The following GALNTL6 variants were observed in gnomAD, a reference collection of about 807,000 sequenced individuals.
GALNTL6 encodes polypeptide N-acetylgalactosaminyltransferase-like 6.
In GALNTL6, 46 loss-of-function variants were observed where a neutral mutation model predicts 73.7. The observed-to-expected ratio is 0.62, with a 90% CI of 0.49 to 0.80. The LOEUF (loss-of-function observed/expected upper bound fraction) is 0.80. GALNTL6 is among the 30% of genes least tolerant of loss of function. The probability of loss-of-function intolerance (pLI) is 0.00; values close to 1 mark genes in which losing one functional copy is unlikely to be tolerated. For missense variants in GALNTL6, 604 were observed against 755.0 expected (o/e 0.80, Z 2.34); for synonymous variants, 259 against 263.7 (o/e 0.98, Z 0.17).
intron 3 of GALNTL6, among the ~76,000 whole-genome samples, chr4:172,291,863 A>C (rs1478271620): frequency 1.3e-5 from 2 of 152,128 alleles, no homozygotes; most frequent in Non-Finnish European, 2.9e-5. Context: ...ATTTTAGGAG[A>C]GGAAGTTGAA....
At chr4:171,837,628 ATATT>A (rs1735129125) in intron 2 of GALNTL6, among the ~76,000 whole-genome samples, 1 of 147,152 alleles carries the variant, frequency 6.8e-6, no homozygotes, top group Non-Finnish European at 1.5e-5. Context: ...TATAATGTAT[ATATT>A]TATATAATAT....
At chr4:172,695,723 G>A (rs561654888) in intron 5 of GALNTL6, among the ~76,000 whole-genome samples, 13 of 152,088 alleles carry the variant, frequency 8.5e-5, no homozygotes, top group South Asian at 6.2e-4. Context: ...CGAGGCGGGC[G>A]GATCATGAGG....
intron 2 of GALNTL6, among the ~76,000 whole-genome samples, chr4:171,937,733 T>C (rs967037034): frequency 2.6e-5 from 4 of 152,136 alleles, no homozygotes; most frequent in Non-Finnish European, 5.9e-5. Context: ...AAGTAAAGAA[T>C]GGTTACATAG....
chr4:172,430,185 A>G (rs972924489), intron 5 of GALNTL6, among the ~76,000 whole-genome samples: 6 of 152,040 alleles, frequency 3.9e-5, no homozygotes, highest in African/African-American at 1.4e-4. Flanking sequence ...TTAGAACTTG[A>G]CAGTGAGAAA....
At chr4:172,626,172 A>G (rs1366899659) in intron 5 of GALNTL6, among the ~76,000 whole-genome samples, 1 of 152,034 alleles carries the variant, frequency 6.6e-6, no homozygotes, top group East Asian at 1.9e-4. Context: ...AAAATCTTTA[A>G]TCGATCTTGA....
chr4:172,081,432 G>A (rs889925643), intron 2 of GALNTL6, among the ~76,000 whole-genome samples: 1 of 152,218 alleles, frequency 6.6e-6, no homozygotes, highest in Admixed American at 6.5e-5. Context: ...GAGGTCAAGA[G>A]ATCGAGATCA....
At position 172,271,961 on chromosome 4, in the gene GALNTL6, T is replaced by TA. The variant is rs1310229684; in HGVS notation, c.248-39653_248-39652insA. ...CCATCATAAATATATATATATATAT[T>TA]TTTTTTTATGAGATGGAGTCTCACT... is the stretch of plus-strand genomic sequence containing the variant. On this transcript the variant is annotated intron_variant, in intron 3 of 12. Coordinates refer to ENST00000506823, the MANE Select transcript of GALNTL6 (RefSeq NM_001034845.3). 1.2e-3 allele frequency among the ~76,000 whole-genome samples: 173 copies of TA among 145,082 alleles called. 1 individual carries two copies. Among genetic ancestry groups the TA allele is most frequent in the Middle Eastern group, 3.5e-3 (1 of 282 alleles).
chr4:172,145,515 G>A (rs933108288), intron 2 of GALNTL6, among the ~76,000 whole-genome samples: 1 of 151,942 alleles, frequency 6.6e-6, no homozygotes, highest in East Asian at 1.9e-4. Flanking sequence ...AAAATTCTGG[G>A]GTTACAAGCA....
At chr4:171,886,509 A>G (rs1418087753) in intron 2 of GALNTL6, among the ~76,000 whole-genome samples, 1 of 152,164 alleles carries the variant, frequency 6.6e-6, no homozygotes, top group Non-Finnish European at 1.5e-5. Flanking sequence ...TCTTATGTTA[A>G]TACATAAGTG....
intron 5 of GALNTL6, among the ~76,000 whole-genome samples, chr4:172,808,541 CA>C (rs1741107161): frequency 6.6e-6 from 1 of 152,132 alleles, no homozygotes; most frequent in Non-Finnish European, 1.5e-5. Context: ...AGAATGAAAG[CA>C]GAGGATATAA....
intron 7 of GALNTL6, among the ~76,000 whole-genome samples, chr4:172,874,153 C>A (rs905176656): frequency 2.0e-5 from 3 of 152,210 alleles, no homozygotes; most frequent in Non-Finnish European, 2.9e-5. Context: ...CCACTCTCCG[C>A]TGGGTATTTT....
intron 5 of GALNTL6, among the ~76,000 whole-genome samples, chr4:172,662,951 G>T (rs1240102343): frequency 6.6e-6 from 1 of 152,196 alleles, no homozygotes; most frequent in Non-Finnish European, 1.5e-5. Flanking sequence ...TGGATAAGGA[G>T]AAATCTCAGC....
intron 2 of GALNTL6, among the ~76,000 whole-genome samples, chr4:172,049,953 C>T (rs576428858): frequency 3.6e-4 from 54 of 151,534 alleles, no homozygotes; most frequent in Admixed American, 2.2e-3. Context: ...CATTGCACTA[C>T]AGCCAGGGTG....
intron 5 of GALNTL6, among the ~76,000 whole-genome samples, chr4:172,438,906 A>G (rs899091510): frequency 6.6e-6 from 1 of 152,060 alleles, no homozygotes; most frequent in African/African-American, 2.4e-5. Context: ...ATGTTCCCAC[A>G]TCCATCCCTT....
chr4:172,326,884 A>G lies in GALNTL6; in HGVS notation c.386+15132A>G, dbSNP rs1230116044. ...TTTAGGGTAGATAAAATATGAAATT[A>G]TATTGATCTATCTTTAAACAATGTT... On this transcript the variant is annotated intron_variant, in intron 4 of 12. Transcript: ENST00000506823. 2.0e-5 allele frequency among the ~76,000 whole-genome samples: 3 copies of G among 151,976 alleles called. No individual in the cohort carries two copies. The East Asian group carries it at 5.8e-4, about 29-fold the overall frequency.
chr4:172,899,754 T>G (rs1746524336), intron 8 of GALNTL6, among the ~76,000 whole-genome samples: 1 of 152,220 alleles, frequency 6.6e-6, no homozygotes, highest in Non-Finnish European at 1.5e-5. Context: ...CCCCAAGGTC[T>G]GCTGGTTGCC....
intron 8 of GALNTL6, among the ~76,000 whole-genome samples, chr4:172,912,118 C>T (rs1747235762): frequency 6.6e-6 from 1 of 152,182 alleles, no homozygotes; most frequent in Admixed American, 6.5e-5. Flanking sequence ...GGTATTTGTA[C>T]AGAAAGTTTC....
chr4:172,038,958 T>C (rs2110835718), intron 2 of GALNTL6, among the ~76,000 whole-genome samples: 1 of 152,306 alleles, frequency 6.6e-6, no homozygotes, highest in East Asian at 1.9e-4. Context: ...TTTTTTATTA[T>C]TCACTACAAG....
intron 2 of GALNTL6, among the ~76,000 whole-genome samples, chr4:172,044,761 T>A (rs546283930): frequency 5.1e-4 from 78 of 152,166 alleles, no homozygotes; most frequent in African/African-American, 1.9e-3. Flanking sequence ...CCTCAGACAC[T>A]TGCCTTTGAA....
Sources: gnomAD v4.1 joint callset for allele counts (sites outside exome capture counted in the v4.1 genomes callset) on GRCh38, gnomAD v4.1.1 for gene constraint, MANE v1.5 for transcripts, NCBI Gene and HGNC (gene_info 2026-07-23, HGNC 2026-07-21) for gene names.